The following KHSRP variants were observed in gnomAD, a reference collection of about 807,000 sequenced individuals.
KHSRP encodes the protein far upstream element-binding protein 2.
KHSRP carries 13 observed loss-of-function variants against 94.9 expected under a neutral mutation model. The observed-to-expected ratio is 0.14, with a 90% CI of 0.09 to 0.22. KHSRP has a LOEUF of 0.22. Among genes scored for constraint, KHSRP ranks in the 10% least tolerant of loss-of-function variants. The pLI is 1.00. For missense variants in KHSRP, 710 were observed against 1,010.0 expected (o/e 0.70, Z 4.03); for synonymous variants, 495 against 401.4 (o/e 1.23, Z -2.79).
At chr19:6,420,222 G>A in intron 5 of KHSRP, 78 bp from the exon 6 acceptor site, 2 of 1,365,194 alleles carry the variant, frequency 1.5e-6, no homozygotes, top group Non-Finnish European at 1.0e-6. Context: ...TGTGGCCGGG[G>A]CCCCAGCCCC....
In KHSRP at chr19:6,418,896, G is replaced by A. The variant is rs190190091; in HGVS notation, c.606-20C>T. The A allele has an allele frequency of 1.6e-3, 2,415 of 1,528,310 alleles. 4 individuals are homozygous for A. Among genetic ancestry groups the A allele is most frequent in the Non-Finnish European group, 2.0e-3 (2,243 of 1,144,526 alleles). 94.7% of individuals were successfully genotyped at this position (1,528,310 alleles called of 1,614,324 possible). On this transcript the variant is annotated intron_variant, in intron 7 of 18. Coordinates refer to ENST00000600480, the MANE Select transcript of KHSRP (RefSeq NM_001366299.1). This position sits in a 1 kb window ranked among gnomAD's most constrained non-coding sequence, Gnocchi z 4.3. ...GCTTTCCTGGGAAGGGGAGGAGCGGGGGATGAGCGGGTGCCACCGCTGGAG... is the reference window on the plus strand; with the variant it reads ...GCTTTCCTGGGAAGGGGAGGAGCGGAGGATGAGCGGGTGCCACCGCTGGAG...
rs576543062 is a variant in KHSRP at position 6,421,016 on chromosome 19, G to T, written c.425+262C>A. ...TGTGCTGCTCAGAGTCCCCACCCCAGCGGAGGAAGCCATAGGGTGCGGAGA... is the reference window on the plus strand; with the variant it reads ...TGTGCTGCTCAGAGTCCCCACCCCATCGGAGGAAGCCATAGGGTGCGGAGA... On this transcript the variant is annotated intron_variant, in intron 4 of 18. Coordinates refer to ENST00000600480, the MANE Select transcript of KHSRP (RefSeq NM_001366299.1). 5.3e-5 allele frequency: 27 copies of T among 513,070 alleles called. 1 individual carries two copies. Among genetic ancestry groups the T allele is most frequent in the African/African-American group, 4.3e-4 (22 of 51,466 alleles). 31.8% of individuals were successfully genotyped at this position (513,070 alleles called of 1,614,324 possible). A position where few individuals can be genotyped will look rare whatever the true frequency, so the allele number is the denominator to read the frequency against.
rs771015584 is a variant in KHSRP, at chr19:6,417,830, G to A, written c.990C>T (p.Pro330=). Residue 330 remains proline (P), a synonymous_variant, in exon 11 of 19, where the codon CCC becomes CCT. Coordinates refer to ENST00000600480, the MANE Select transcript of KHSRP (RefSeq NM_001366299.1). The stretch of plus-strand genomic sequence containing the variant: ...CAATGACCACGCCAACAGAATGCCT[G>A]GGCACTGGCACCTGGGGAGGGAGGC... ...RIGGGIDVPV[P]RHSVGVVIGR... 16 of 1,613,694 alleles carry A rather than the reference G, an allele frequency of 9.9e-6. No individual in the cohort carries two copies. The highest frequency in any genetic ancestry group is 8.0e-5 in the African/African-American group (6 of 74,920).
chr19:6,418,082 G>A lies in KHSRP; in HGVS notation c.880-3C>T, dbSNP rs777896826. 1 of 1,613,672 alleles carries A rather than the reference G, an allele frequency of 6.2e-7. No homozygotes were observed. The highest frequency in any genetic ancestry group is 8.5e-7 in the Non-Finnish European group (1 of 1,179,720). On this transcript the variant is annotated splice_region_variant and splice_polypyrimidine_tract_variant and intron_variant, in intron 9 of 18. Coordinates refer to ENST00000600480, the MANE Select transcript of KHSRP (RefSeq NM_001366299.1). This position sits in a 1 kb window ranked among gnomAD's most constrained non-coding sequence, Gnocchi z 4.3. The stretch of plus-strand genomic sequence containing the variant: ...TCCATCACCATCTCACAGGCTTGCT[G>A]CAAACACACAGGAAGCAGCCCCCAT...
chr19:6,415,030 G>A lies in KHSRP; in HGVS notation c.2238C>T (p.Cys746=). Residue 746 remains cysteine (C), a synonymous_variant, in exon 19 of 19, where the codon TGC becomes TGT. Coordinates refer to ENST00000600480, the MANE Select transcript of KHSRP (RefSeq NM_001366299.1). The part of the protein sequence containing the change: ...SAGNPFPCGV[C]P ...ACGGCCCCCGCTGCAGGCATCAAGG[G>A]CACACCCCGCAGGGGAAGGGGTTTC... 1 of 1,500,742 alleles carries A rather than the reference G, an allele frequency of 6.7e-7. No individual in the cohort carries two copies. The highest frequency in any genetic ancestry group is 8.8e-7 in the Non-Finnish European group (1 of 1,133,882). The allele number at this position is 1,500,742 out of a possible 1,614,324, so 93.0% of individuals were successfully genotyped here. A position where few individuals can be genotyped will look rare whatever the true frequency, so the allele number is the denominator to read the frequency against.
At position 6,415,013 on chromosome 19, in the gene KHSRP, C is replaced by T. The variant is rs887769926; in HGVS notation, c.*11G>A. On this transcript the variant is annotated 3_prime_UTR_variant, in exon 19 of 19. Coordinates refer to ENST00000600480, the MANE Select transcript of KHSRP (RefSeq NM_001366299.1). Reference sequence around the variant, plus strand: ...CGGAGACCTCCGGCCACACGGCCCCCGCTGCAGGCATCAAGGGCACACCCC... The same window carrying T: ...CGGAGACCTCCGGCCACACGGCCCCTGCTGCAGGCATCAAGGGCACACCCC... 5.5e-6 allele frequency: 8 copies of T among 1,467,082 alleles called. No homozygotes were observed. The highest frequency in any genetic ancestry group is 1.4e-5 in the African/African-American group (1 of 70,578). The allele number at this position is 1,467,082 out of a possible 1,614,324, so 90.9% of individuals were successfully genotyped here. A position where few individuals can be genotyped will look rare whatever the true frequency, so the allele number is the denominator to read the frequency against.
At chr19:6,421,165 T>A (rs2092192752) in intron 4 of KHSRP, 113 bp downstream of exon 4, 5 of 972,998 alleles carry the variant, frequency 5.1e-6, no homozygotes, top group Admixed American at 2.3e-5. Flanking sequence ...CAACTGGCAC[T>A]GGGGGATAAA....
In KHSRP at chr19:6,413,272, A is replaced by G; in HGVS notation, c.*1752T>C. ...TTATCAGGCTTTTTAAACAACATCT[A>G]TAAAGAACAAACATCCGCTTCAAAA... On this transcript the variant is annotated 3_prime_UTR_variant, in exon 19 of 19. Coordinates refer to ENST00000600480, the MANE Select transcript of KHSRP (RefSeq NM_001366299.1). 1 of 195,754 alleles carries G rather than the reference A, an allele frequency of 5.1e-6. No individual in the cohort carries two copies. The highest frequency in any genetic ancestry group is 5.4e-5 in the South Asian group (1 of 18,480). The allele number at this position is 195,754 out of a possible 1,614,324, so 12.1% of individuals were successfully genotyped here.
Position 6,414,846 on chromosome 19 carries a change from A to G in KHSRP, c.*178T>C, listed in dbSNP as rs988689103. 2 of 1,257,114 alleles carry G rather than the reference A, an allele frequency of 1.6e-6. No individual in the cohort carries two copies. Among genetic ancestry groups the G allele is most frequent in the African/African-American group, 3.1e-5 (2 of 64,688 alleles). The allele number at this position is 1,257,114 out of a possible 1,614,324, so 77.9% of individuals were successfully genotyped here. ...TCTGCCTGCCCCCCGACTCCCCAGC[A>G]GTTCAGAAGTCCCGCCTGCGAGTCT... On this transcript the variant is annotated 3_prime_UTR_variant, in exon 19 of 19. Transcript: ENST00000600480.
In KHSRP at chr19:6,414,588, A is replaced by T; in HGVS notation, c.*436T>A. On this transcript the variant is annotated 3_prime_UTR_variant, in exon 19 of 19. Coordinates refer to ENST00000600480, the MANE Select transcript of KHSRP (RefSeq NM_001366299.1). ...CATGGGAGGCTGAGCCCGGCGGGGCAGGGGCCTGGGCCGCTCCCCGCGTCC... is the reference window on the plus strand; with the variant it reads ...CATGGGAGGCTGAGCCCGGCGGGGCTGGGGCCTGGGCCGCTCCCCGCGTCC... The T allele has an allele frequency of 9.9e-7, 1 of 1,014,722 alleles. No individual in the cohort carries two copies. Among genetic ancestry groups the T allele is most frequent in the Non-Finnish European group, 1.2e-6 (1 of 849,666 alleles). The allele number at this position is 1,014,722 out of a possible 1,614,324, so 62.9% of individuals were successfully genotyped here. A position where few individuals can be genotyped will look rare whatever the true frequency, so the allele number is the denominator to read the frequency against.
Position 6,414,905 on chromosome 19 carries a change from G to C in KHSRP, c.*119C>G. 2 of 1,390,612 alleles carry C rather than the reference G, an allele frequency of 1.4e-6. No individual in the cohort carries two copies. The highest frequency in any genetic ancestry group is 1.9e-6 in the Non-Finnish European group (2 of 1,077,154). 86.1% of individuals were successfully genotyped at this position (1,390,612 alleles called of 1,614,324 possible). ...CCCAGCATCACGACAGCGGCACACA[G>C]GAACAAGCAGCCGGCGCAGGGAGGC... On this transcript the variant is annotated 3_prime_UTR_variant, in exon 19 of 19. Coordinates refer to ENST00000600480, the MANE Select transcript of KHSRP (RefSeq NM_001366299.1).
rs1391661277 is a variant in KHSRP at position 6,416,333 on chromosome 19, C to T, written c.1563G>A (p.Gly521=). 3 of 1,607,676 alleles carry T rather than the reference C, an allele frequency of 1.9e-6. No individual in the cohort carries two copies. The highest frequency in any genetic ancestry group is 1.7e-5 in the Admixed American group (1 of 57,612). The change falls in exon 15 of 19, where the codon GGG becomes GGA. Residue 521 remains glycine, a synonymous_variant. Coordinates refer to ENST00000600480, the MANE Select transcript of KHSRP (RefSeq NM_001366299.1). ...CCCCGGGTGGCCCCTGGTTGAAGGG[C>T]CCAGGATTGAAGGGCCCCATTGGGC... ...PAGPMGPFNP[G]PFNQGPPGAP...
Position 6,419,223 on chromosome 19 carries a change from T to C in KHSRP, c.585A>G (p.Thr195=), listed in dbSNP as rs1332334480. 6.3e-7 allele frequency: 1 copy of C among 1,584,800 alleles called. No individual in the cohort carries two copies. Among genetic ancestry groups the C allele is most frequent in the South Asian group, 1.2e-5 (1 of 86,550 alleles). The part of the protein sequence containing the change: ...GGLPERSVSL[T]GAPESVQKAK... ...CTTACTGGACAGATTCTGGGGCTCC[T>C]GTCAAGGACACACTGCGCTCGGGTA... The change falls in exon 7 of 19, where the codon ACA becomes ACG. Residue 195 remains threonine (T), a synonymous_variant. Coordinates refer to ENST00000600480, the MANE Select transcript of KHSRP (RefSeq NM_001366299.1).
chr19:6,421,333 C>G lies in KHSRP; in HGVS notation c.386-16G>C. On this transcript the variant is annotated splice_polypyrimidine_tract_variant and intron_variant, in intron 3 of 18. Transcript: ENST00000600480. ...GAACTGATTGCTGTAGAGAGAAAAC[C>G]CAAAGCAAAGACTGGCTTAGCTCCT... The G allele has an allele frequency of 6.3e-7, 1 of 1,583,806 alleles. No individual in the cohort carries two copies. Among genetic ancestry groups the G allele is most frequent in the South Asian group, 1.2e-5 (1 of 86,526 alleles).
Position 6,415,013 on chromosome 19 carries a change from C to A in KHSRP, c.*11G>T. 6.8e-7 allele frequency: 1 copy of A among 1,467,200 alleles called. No homozygotes were observed. The highest frequency in any genetic ancestry group is 9.0e-7 in the Non-Finnish European group (1 of 1,116,998). 90.9% of individuals were successfully genotyped at this position (1,467,200 alleles called of 1,614,324 possible). Reference sequence around the variant, plus strand: ...CGGAGACCTCCGGCCACACGGCCCCCGCTGCAGGCATCAAGGGCACACCCC... The same window carrying A: ...CGGAGACCTCCGGCCACACGGCCCCAGCTGCAGGCATCAAGGGCACACCCC... On this transcript the variant is annotated 3_prime_UTR_variant, in exon 19 of 19. Coordinates refer to ENST00000600480, the MANE Select transcript of KHSRP (RefSeq NM_001366299.1).
chr19:6,422,403 T>C lies in KHSRP; in HGVS notation c.283A>G (p.Thr95Ala), dbSNP rs1250480128. The part of the protein sequence containing the change: ...AAKIGGDAAT[T>A]VNNSTPDFGF... The stretch of plus-strand genomic sequence containing the variant: ...AAATCAGGAGTGCTGTTATTCACTG[T>C]CGTGGCAGCATCGCCTCCAATTTTG... Residue 95 changes from threonine to alanine, a missense_variant, in exon 2 of 19, where the codon ACA (threonine) becomes GCA (alanine). Coordinates refer to ENST00000600480, the MANE Select transcript of KHSRP (RefSeq NM_001366299.1). The C allele has an allele frequency of 4.3e-6, 7 of 1,613,872 alleles. No homozygotes were observed. Among genetic ancestry groups the C allele is most frequent in the Non-Finnish European group, 5.9e-6 (7 of 1,179,838 alleles).
intron 3 of KHSRP, 125 bp from the exon 4 acceptor site, chr19:6,421,442 G>T: frequency 9.6e-7 from 1 of 1,042,304 alleles, no homozygotes; most frequent in Non-Finnish European, 1.4e-6. Flanking sequence ...AGTGCCTCAT[G>T]GATGCTGTGG....
intron 15 of KHSRP, 32 bp downstream of exon 15, chr19:6,416,266 G>A (rs925938584): frequency 1.3e-6 from 2 of 1,530,236 alleles, no homozygotes; most frequent in Non-Finnish European, 8.9e-7. Context: ...TAAGCCCCCG[G>A]CCTCAAAACC....
In KHSRP at chr19:6,420,409, G is replaced by A. The variant is rs376445101; in HGVS notation, c.475+13C>T. 1.2e-6 allele frequency: 2 copies of A among 1,613,390 alleles called. No homozygotes were observed. Among genetic ancestry groups the A allele is most frequent in the Non-Finnish European group, 1.7e-6 (2 of 1,179,486 alleles). The stretch of plus-strand genomic sequence containing the variant: ...AAGAGTGGGCCTCCCCACCCAAGGT[G>A]ACCCACACTCACTCAGGCCCACCAT... On this transcript the variant is annotated intron_variant, in intron 5 of 18. Transcript: ENST00000600480.
Sources: allele counts gnomAD v4.1 joint callset, GRCh38; gene constraint gnomAD v4.1.1; non-coding constraint Gnocchi (gnomAD v3.1); transcripts MANE v1.5; gene names NCBI Gene and HGNC (gene_info 2026-07-23, HGNC 2026-07-21).